The following SUSD1 variants were observed in gnomAD, a reference collection of about 807,000 sequenced individuals.
SUSD1 encodes the protein sushi domain-containing protein 1.
A neutral mutation model predicts 86.9 loss-of-function variants in SUSD1; 65 were observed. That is an observed-to-expected ratio of 0.75 (90% CI 0.61 to 0.92). The LOEUF is 0.92. SUSD1 is among the 40% of genes least tolerant of loss of function. The probability of loss-of-function intolerance (pLI) is 0.00; values close to 1 mark genes in which losing one functional copy is unlikely to be tolerated. For missense variants in SUSD1, 850 were observed against 929.7 expected (o/e 0.91, Z 1.11); for synonymous variants, 346 against 350.0 (o/e 0.99, Z 0.13).
intron 5 of SUSD1, among the ~76,000 whole-genome samples, chr9:112,141,228 TACA>T (rs932319994): frequency 9.2e-5 from 14 of 152,246 alleles, no homozygotes; most frequent in African/African-American, 2.2e-4. Context: ...TGTGATGCAC[TACA>T]ACATTATGAT....
intron 5 of SUSD1, among the ~76,000 whole-genome samples, chr9:112,131,472 T>C (rs1009302828): frequency 1.5e-4 from 23 of 152,200 alleles, no homozygotes; most frequent in African/African-American, 5.3e-4. Context: ...TATGACATTA[T>C]AGTCTGGCCT....
In SUSD1 at chr9:112,157,590, G is replaced by A. The variant is rs758262758; in HGVS notation, c.127C>T (p.His43Tyr). Reference sequence around the variant, plus strand: ...CTTTGCTGGCATGTGGCATGTTCATGGCAAGTGGCACAGACGTCTAAACCT... The same window carrying A: ...CTTTGCTGGCATGTGGCATGTTCATAGCAAGTGGCACAGACGTCTAAACCT... ...PDGLDVCATC[H>Y]EHATCQQREG... Residue 43 changes from histidine (H) to tyrosine (Y), a missense_variant, in exon 2 of 17, where the codon CAT becomes TAT. By Grantham distance (83) the His-to-Tyr change is moderately conservative (BLOSUM62 2). Coordinates refer to ENST00000374270, the MANE Select transcript of SUSD1 (RefSeq NM_022486.5). The A allele has an allele frequency of 1.2e-6, 2 of 1,613,952 alleles. No homozygotes were observed. Among genetic ancestry groups the A allele is most frequent in the Admixed American group, 3.3e-5 (2 of 59,986 alleles).
At chr9:112,059,127 A>C (rs530240127) in intron 13 of SUSD1, among the ~76,000 whole-genome samples, 1 of 152,164 alleles carries the variant, frequency 6.6e-6, no homozygotes, top group Non-Finnish European at 1.5e-5. Context: ...GAGACACGAC[A>C]CTAGGCAAGA....
intron 5 of SUSD1, among the ~76,000 whole-genome samples, chr9:112,130,170 C>T (rs1310990072): frequency 6.6e-6 from 1 of 152,024 alleles, no homozygotes; most frequent in African/African-American, 2.4e-5. Context: ...CCCAGGAGTT[C>T]AAGACCAGCC....
At chr9:112,075,541 C>A (rs1829479935) in intron 12 of SUSD1, among the ~76,000 whole-genome samples, 1 of 152,110 alleles carries the variant, frequency 6.6e-6, no homozygotes, top group Non-Finnish European at 1.5e-5. Context: ...GCCTAGGCAA[C>A]ATAGGGAGAC....
At chr9:112,051,095 C>A (rs1828170436) in intron 15 of SUSD1, among the ~76,000 whole-genome samples, 1 of 152,206 alleles carries the variant, frequency 6.6e-6, no homozygotes, top group Non-Finnish European at 1.5e-5. Context: ...TACAGGGCCC[C>A]CTGACCACTG....
At chr9:112,049,240 C>G (rs1268061785) in intron 15 of SUSD1, among the ~76,000 whole-genome samples, 1 of 152,126 alleles carries the variant, frequency 6.6e-6, no homozygotes, top group African/African-American at 2.4e-5. Context: ...GGAGTAGTCC[C>G]GAATAACTCA....
intron 14 of SUSD1, among the ~76,000 whole-genome samples, chr9:112,052,855 G>A (rs566092546): frequency 2.0e-4 from 31 of 152,294 alleles, no homozygotes; most frequent in African/African-American, 7.5e-4. Context: ...GCTATGAGAA[G>A]TCCCAGTATA....
chr9:112,131,872 T>C (rs1832050150), intron 5 of SUSD1, among the ~76,000 whole-genome samples: 1 of 152,238 alleles, frequency 6.6e-6, no homozygotes, highest in South Asian at 2.1e-4. Context: ...GAATTTTCCC[T>C]TACTTTCCCA....
At chr9:112,121,655 T>C (rs370059822) in intron 6 of SUSD1, among the ~76,000 whole-genome samples, 2 of 152,172 alleles carry the variant, frequency 1.3e-5, no homozygotes, top group Non-Finnish European at 2.9e-5. Context: ...GAATTTCCGA[T>C]GGAAAATGTT....
chr9:112,099,679 G>A (rs1347673995), intron 9 of SUSD1, among the ~76,000 whole-genome samples: 3 of 152,096 alleles, frequency 2.0e-5, no homozygotes, highest in Non-Finnish European at 2.9e-5. Context: ...GATCAGTTAG[G>A]GTGCATTAGC....
intron 12 of SUSD1, among the ~76,000 whole-genome samples, chr9:112,072,780 G>A (rs141410487): frequency 3.9e-5 from 6 of 152,342 alleles, no homozygotes; most frequent in South Asian, 2.1e-4. Flanking sequence ...CTCTCCTAGC[G>A]TGACCTAATG....
intron 10 of SUSD1, among the ~76,000 whole-genome samples, chr9:112,088,577 A>G (rs1408837057): frequency 2.0e-5 from 3 of 152,178 alleles, no homozygotes; most frequent in Admixed American, 6.5e-5. Flanking sequence ...ACTTAAGGCC[A>G]GGAGTTCAGG....
At chr9:112,115,537 T>C (rs2131660269) in intron 6 of SUSD1, among the ~76,000 whole-genome samples, 1 of 152,270 alleles carries the variant, frequency 6.6e-6, no homozygotes, top group East Asian at 1.9e-4. Context: ...GTGGGTGCGG[T>C]GGCTCACGCC....
chr9:112,157,542 A>G lies in SUSD1; in HGVS notation c.175T>C (p.Cys59Arg). ...CCGTTCCCTACAAATCCATAGTTGCAAATACAGATCTTCTTCCCTTCTCTT... is the reference window on the plus strand; with the variant it reads ...CCGTTCCCTACAAATCCATAGTTGCGAATACAGATCTTCTTCCCTTCTCTT... Reference protein sequence around the residue: ...QQREGKKICICNYGFVGNGRT... With the variant: ...QQREGKKICIRNYGFVGNGRT... The change falls in exon 2 of 17, where the codon TGC becomes CGC. Residue 59 changes from cysteine to arginine, a missense_variant. Transcript: ENST00000374270. The G allele has an allele frequency of 6.2e-7, 1 of 1,614,182 alleles. No homozygotes were observed. The highest frequency in any genetic ancestry group is 8.5e-7 in the Non-Finnish European group (1 of 1,180,014).
At chr9:112,139,510 T>C (rs1323577659) in intron 5 of SUSD1, among the ~76,000 whole-genome samples, 4 of 152,068 alleles carry the variant, frequency 2.6e-5, no homozygotes, top group African/African-American at 9.7e-5. Flanking sequence ...CAGGGTGTGA[T>C]CATGGCTCAC....
intron 8 of SUSD1, among the ~76,000 whole-genome samples, chr9:112,109,987 G>C (rs549435419): frequency 1.3e-5 from 2 of 152,028 alleles, no homozygotes; most frequent in Admixed American, 6.6e-5. Flanking sequence ...CCAGCTACTC[G>C]GGTTAAGGTA....
chr9:112,108,126 T>C (rs532114523), intron 8 of SUSD1, among the ~76,000 whole-genome samples: 2 of 152,340 alleles, frequency 1.3e-5, no homozygotes, highest in African/African-American at 4.8e-5. Context: ...TTGTAATTAA[T>C]TATTCAAAGG....
rs1282516127 is a variant in SUSD1, at chr9:112,140,981, G to C, written c.706+1339C>G. 2.0e-5 allele frequency among the ~76,000 whole-genome samples: 3 copies of C among 152,086 alleles called. No individual in the cohort carries two copies. In the South Asian group the frequency reaches 6.2e-4, roughly 32 times the overall value. ...ATAGAAATGATACAGTAAAAATACA[G>C]AATAAAAGATAAAAAAATGATACAC... On this transcript the variant is annotated intron_variant, in intron 5 of 16. Transcript: ENST00000374270.
Sources: allele counts gnomAD v4.1 joint callset (sites outside exome capture counted in the v4.1 genomes callset), GRCh38; gene constraint gnomAD v4.1.1; transcripts MANE v1.5; gene names NCBI Gene and HGNC (gene_info 2026-07-23, HGNC 2026-07-21).